The following SPATA17 variants were observed in gnomAD, a reference collection of about 807,000 sequenced individuals.
SPATA17 encodes the protein spermatogenesis-associated protein 17.
Under a neutral mutation model 62.2 loss-of-function variants are expected in SPATA17, and 53 were observed. The ratio of observed to expected loss-of-function variants is 0.85; its 90% CI spans 0.68 to 1.07. SPATA17 has a LOEUF of 1.07. Among genes scored for constraint, SPATA17 ranks in the 50% least tolerant of loss-of-function variants. The probability of loss-of-function intolerance (pLI) is 0.00; values close to 1 mark genes in which losing one functional copy is unlikely to be tolerated. For missense variants in SPATA17, 466 were observed against 425.5 expected, an observed-to-expected ratio of 1.10 and a Z score of -0.84; for synonymous variants, 146 against 146.8, an observed-to-expected ratio of 0.99 and a Z score of 0.04.
chr1:217,728,893 A>G (rs1672332463), intron 5 of SPATA17, among the ~76,000 whole-genome samples: 1 of 152,322 alleles, frequency 6.6e-6, no homozygotes, highest in Non-Finnish European at 1.5e-5. Context: ...GCTGTCAGGT[A>G]AGCCTTGTTA....
rs530666113 is a variant in SPATA17, at chr1:217,771,727, G to C, written c.520-2607G>C. 6.1e-4 allele frequency among the ~76,000 whole-genome samples: 93 copies of C among 152,222 alleles called. 1 individual carries two copies. In the South Asian group the frequency reaches 0.018, roughly 30 times the overall value. Reference sequence around the variant, plus strand: ...ATCTATATTTGATTTAAATTGCAAAGAGAATACACATGAGGAGGTCTCCAT... The same window carrying C: ...ATCTATATTTGATTTAAATTGCAAACAGAATACACATGAGGAGGTCTCCAT... On this transcript the variant is annotated intron_variant, in intron 6 of 10. Transcript: ENST00000366933.
intron 3 of SPATA17, among the ~76,000 whole-genome samples, chr1:217,659,758 G>A (rs1279814846): frequency 1.3e-5 from 2 of 151,598 alleles, no homozygotes; most frequent in African/African-American, 4.8e-5. Flanking sequence ...ACCAGAAATC[G>A]AACCCTGAGA....
intron 1 of SPATA17, among the ~76,000 whole-genome samples, chr1:217,640,186 AT>A (rs1417357110): frequency 2.0e-5 from 3 of 151,858 alleles, no homozygotes. Flanking sequence ...TTTCTATAGA[AT>A]ACAGTTGTCT....
At chr1:217,662,671 T>C (rs895836493) in intron 3 of SPATA17, among the ~76,000 whole-genome samples, 2 of 152,152 alleles carry the variant, frequency 1.3e-5, no homozygotes, top group African/African-American at 2.4e-5. Context: ...GTTGTTACGA[T>C]AAAAGCCAAC....
intron 9 of SPATA17, among the ~76,000 whole-genome samples, chr1:217,823,686 G>A (rs931293361): frequency 6.6e-6 from 1 of 151,856 alleles, no homozygotes; most frequent in Non-Finnish European, 1.5e-5. Context: ...CCTAGATGAT[G>A]TGTTCATTGC....
At chr1:217,691,235 G>T (rs905832456) in intron 5 of SPATA17, among the ~76,000 whole-genome samples, 1 of 143,430 alleles carries the variant, frequency 7.0e-6, no homozygotes, top group African/African-American at 2.6e-5. Flanking sequence ...TTTCTCTGAT[G>T]GCCAGTGATG....
chr1:217,671,246 T>C (rs557361856), intron 4 of SPATA17, among the ~76,000 whole-genome samples: 18 of 152,144 alleles, frequency 1.2e-4, no homozygotes, highest in Non-Finnish European at 2.1e-4. Flanking sequence ...CCCTCCTCTA[T>C]GTCCCTGAAC....
intron 6 of SPATA17, among the ~76,000 whole-genome samples, chr1:217,764,897 C>A (rs995182332): frequency 1.3e-5 from 2 of 151,954 alleles, no homozygotes; most frequent in African/African-American, 4.8e-5. Context: ...TATTTAAATT[C>A]TAGTAATTTA....
At position 217,782,242 on chromosome 1, in the gene SPATA17, G is replaced by A; in HGVS notation, c.792G>A (p.Val264=). ...RYRPLEPTLR[V]AEPIDELKLA... is the part of the protein sequence containing the mutation. ...GGCCTTTGGAGCCAACGTTGCGGGT[G>A]GCAGAACCAATCGATGAGTTAAAGT... Residue 264 remains valine, a synonymous_variant, in exon 8 of 11, where the codon GTG becomes GTA. Coordinates refer to ENST00000366933, the MANE Select transcript of SPATA17 (RefSeq NM_138796.4). 1 of 1,612,804 alleles carries A rather than the reference G, an allele frequency of 6.2e-7. No individual in the cohort carries two copies. Among genetic ancestry groups the A allele is most frequent in the Non-Finnish European group, 8.5e-7 (1 of 1,179,246 alleles).
chr1:217,687,189 A>T (rs182068851), intron 5 of SPATA17, among the ~76,000 whole-genome samples: 1 of 152,256 alleles, frequency 6.6e-6, no homozygotes, highest in African/African-American at 2.4e-5. Context: ...CATTTAGTCT[A>T]CGATTCGTTT....
At chr1:217,805,941 G>T (rs947362830) in intron 9 of SPATA17, among the ~76,000 whole-genome samples, 1 of 152,098 alleles carries the variant, frequency 6.6e-6, no homozygotes, top group African/African-American at 2.4e-5. Flanking sequence ...AAACAAACAA[G>T]AACTACCAAG....
At chr1:217,697,686 T>TA (rs1273601347) in intron 5 of SPATA17, among the ~76,000 whole-genome samples, 1 of 151,906 alleles carries the variant, frequency 6.6e-6, no homozygotes, top group African/African-American at 2.4e-5. Flanking sequence ...TAACTTTTTT[T>TA]AAAAAAACAG....
chr1:217,850,613 G>C (rs1362339562), intron 9 of SPATA17: 40 of 1,594,362 alleles, frequency 2.5e-5, no homozygotes, highest in Non-Finnish European at 3.4e-5. Context: ...TGCCAGTCAG[G>C]GTCTTCACGA....
intron 1 of SPATA17, among the ~76,000 whole-genome samples, chr1:217,634,897 T>TTG (rs1013149766): frequency 4.7e-4 from 71 of 149,944 alleles, no homozygotes; most frequent in African/African-American, 9.3e-4. Context: ...TATTGGCCTT[T>TTG]TTGTTGTTGT....
chr1:217,830,992 C>T (rs1202146796), intron 9 of SPATA17, among the ~76,000 whole-genome samples: 2 of 152,084 alleles, frequency 1.3e-5, no homozygotes, highest in South Asian at 4.1e-4. Context: ...TTTAAGGATA[C>T]AAATGTTTAC....
intron 6 of SPATA17, among the ~76,000 whole-genome samples, chr1:217,748,086 G>A (rs1018545795): frequency 6.6e-6 from 1 of 151,020 alleles, no homozygotes; most frequent in Non-Finnish European, 1.5e-5. Flanking sequence ...GGCGGATCAC[G>A]AGGTCAGGAA....
intron 8 of SPATA17, among the ~76,000 whole-genome samples, chr1:217,788,476 A>G: frequency 6.6e-6 from 1 of 152,028 alleles, no homozygotes. Context: ...TAAATTAGGG[A>G]CTTTTAGGTG....
intron 2 of SPATA17, among the ~76,000 whole-genome samples, chr1:217,649,903 C>T (rs931441554): frequency 2.7e-5 from 4 of 149,770 alleles, no homozygotes; most frequent in Admixed American, 1.3e-4. Context: ...GCTAGACATG[C>T]AAACTTAAAG....
chr1:217,746,587 G>A (rs929942048), intron 6 of SPATA17, among the ~76,000 whole-genome samples: 5 of 151,674 alleles, frequency 3.3e-5, no homozygotes, highest in African/African-American at 9.6e-5. Flanking sequence ...ATTTTACGAT[G>A]ATTATGCTGA....
Sources: gnomAD v4.1 joint callset for allele counts (sites outside exome capture counted in the v4.1 genomes callset) on GRCh38, gnomAD v4.1.1 for gene constraint, MANE v1.5 for transcripts, NCBI Gene and HGNC (gene_info 2026-07-23, HGNC 2026-07-21) for gene names.